Variants in BCKDHB observed in about 807,000 individuals in gnomAD.
BCKDHB encodes the protein branched chain keto acid dehydrogenase E1 subunit beta, also known as 2-oxoisovalerate dehydrogenase subunit beta, mitochondrial.
BCKDHB carries 41 observed loss-of-function variants against 48.5 expected under a neutral mutation model. That is an observed-to-expected ratio of 0.85 (90% CI 0.66 to 1.10). The LOEUF (loss-of-function observed/expected upper bound fraction) is 1.10. BCKDHB is among the 50% of genes least tolerant of loss of function. BCKDHB has a pLI of 0.00. For missense variants in BCKDHB, 496 were observed against 494.2 expected (o/e 1.00, Z -0.03); for synonymous variants, 201 against 174.8 (o/e 1.15, Z -1.18).
chr6:80,381,401 A>G, the BCKDHB span, among the ~76,000 whole-genome samples: 2,398 of 152,184 alleles, frequency 0.016, 71 homozygotes, highest in East Asian at 0.12. Context: ...CCTTTTGTAC[A>G]CAATCGATAA....
chr6:80,331,377 A>T (rs1769307576), intron 9 of BCKDHB, among the ~76,000 whole-genome samples: 1 of 152,234 alleles, frequency 6.6e-6, no homozygotes, highest in East Asian at 1.9e-4. Context: ...ATTAAATAAT[A>T]GATTTTTGTG....
At chr6:80,132,786 A>G (rs1770694087) in intron 3 of BCKDHB, among the ~76,000 whole-genome samples, 1 of 152,206 alleles carries the variant, frequency 6.6e-6, no homozygotes, top group East Asian at 1.9e-4. Context: ...TTCTAATGAG[A>G]GTAAGTGAGC....
At chr6:80,420,928 G>A in the BCKDHB span, among the ~76,000 whole-genome samples, 1 of 152,214 alleles carries the variant, frequency 6.6e-6, no homozygotes, top group African/African-American at 2.4e-5. Flanking sequence ...TGGGGGATGA[G>A]TGACATGTAG....
the BCKDHB span, among the ~76,000 whole-genome samples, chr6:80,466,240 C>T: frequency 6.6e-6 from 1 of 152,004 alleles, no homozygotes; most frequent in Non-Finnish European, 1.5e-5. Flanking sequence ...CCATATTTCC[C>T]TATATTATAC....
the BCKDHB span, among the ~76,000 whole-genome samples, chr6:80,411,457 G>A: frequency 6.6e-6 from 1 of 152,346 alleles, no homozygotes; most frequent in Non-Finnish European, 1.5e-5. Flanking sequence ...TGTTCTCAGA[G>A]CTCAAACGCT....
At chr6:80,370,346 A>C in the BCKDHB span, among the ~76,000 whole-genome samples, 3 of 152,126 alleles carry the variant, frequency 2.0e-5, no homozygotes, top group Non-Finnish European at 4.4e-5. Context: ...AAAATAAACT[A>C]TCTAAGGGCC....
At chr6:80,394,248 ATTTG>A in the BCKDHB span, among the ~76,000 whole-genome samples, 4 of 151,780 alleles carry the variant, frequency 2.6e-5, no homozygotes, top group East Asian at 7.7e-4. Flanking sequence ...CAATCTCTTT[ATTTG>A]TTCTACTTTC....
At chr6:80,446,868 C>T in the BCKDHB span, among the ~76,000 whole-genome samples, 7 of 151,146 alleles carry the variant, frequency 4.6e-5, no homozygotes, top group Admixed American at 6.6e-5. Flanking sequence ...TGTCTGTGGT[C>T]GAGGAGGGGT....
the BCKDHB span, among the ~76,000 whole-genome samples, chr6:80,351,531 G>A: frequency 6.6e-6 from 1 of 152,018 alleles, no homozygotes; most frequent in Non-Finnish European, 1.5e-5. Flanking sequence ...GGCAGTCGTA[G>A]GACACCATCT....
chr6:80,351,491 C>G, the BCKDHB span, among the ~76,000 whole-genome samples: 1 of 151,990 alleles, frequency 6.6e-6, no homozygotes, highest in Non-Finnish European at 1.5e-5. Flanking sequence ...CCCCTTTTTT[C>G]AGTGGTTAAA....
At position 80,261,642 on chromosome 6, in the gene BCKDHB, G is replaced by A. The variant is rs555170819; in HGVS notation, c.952-11493G>A. On this transcript the variant is annotated intron_variant, in intron 8 of 9. Transcript: ENST00000320393. ...TCTTCATTTCACGAGTGTGGTTTTA[G>A]CTTACTTATGAGACTTTCACGTTTC... 5.9e-5 allele frequency among the ~76,000 whole-genome samples: 9 copies of A among 152,116 alleles called. No homozygotes were observed. In the East Asian group the frequency reaches 1.7e-3, roughly 29 times the overall value.
intron 1 of BCKDHB, among the ~76,000 whole-genome samples, chr6:80,114,932 A>G (rs866694714): frequency 5.9e-5 from 9 of 152,218 alleles, no homozygotes; most frequent in Admixed American, 3.3e-4. Flanking sequence ...TTGTTTCTTG[A>G]CAGAAGTTAC....
chr6:80,357,086 A>G, the BCKDHB span, among the ~76,000 whole-genome samples: 1 of 152,184 alleles, frequency 6.6e-6, no homozygotes, highest in East Asian at 1.9e-4. Context: ...TTAGGGTCAT[A>G]GCAGAAAAAA....
intron 3 of BCKDHB, among the ~76,000 whole-genome samples, chr6:80,132,152 G>A (rs1484438081): frequency 6.6e-6 from 1 of 151,688 alleles, no homozygotes; most frequent in Non-Finnish European, 1.5e-5. Context: ...CTTGCTATCT[G>A]GGTCTCTCTA....
At chr6:80,416,716 A>G in the BCKDHB span, among the ~76,000 whole-genome samples, 1 of 151,456 alleles carries the variant, frequency 6.6e-6, no homozygotes, top group African/African-American at 2.4e-5. Context: ...ATCAATTTAC[A>G]GTTGTCCCAT....
intron 8 of BCKDHB, among the ~76,000 whole-genome samples, chr6:80,236,025 T>C (rs570803588): frequency 1.8e-4 from 27 of 152,326 alleles, no homozygotes; most frequent in Non-Finnish European, 3.7e-4. Flanking sequence ...AAGGCTGCTT[T>C]TGCAGCCTTT....
intron 9 of BCKDHB, among the ~76,000 whole-genome samples, chr6:80,283,571 T>C (rs1766479280): frequency 6.6e-6 from 1 of 152,110 alleles, no homozygotes; most frequent in Non-Finnish European, 1.5e-5. Flanking sequence ...GACTATTAAT[T>C]AGTAAAATAG....
At chr6:80,273,420 A>G (rs1777838711) in intron 9 of BCKDHB, among the ~76,000 whole-genome samples, 199 bp downstream of exon 9, 2 of 152,136 alleles carry the variant, frequency 1.3e-5, no homozygotes, top group Non-Finnish European at 2.9e-5. Flanking sequence ...TAATGATCTA[A>G]TTAATTTTCT....
chr6:80,127,972 T>G (rs1362123417), intron 2 of BCKDHB, among the ~76,000 whole-genome samples: 1 of 152,096 alleles, frequency 6.6e-6, no homozygotes, highest in African/African-American at 2.4e-5. Context: ...AGACTTGATT[T>G]TATGCTTCCC....
Sources: allele counts gnomAD v4.1 joint callset (sites outside exome capture counted in the v4.1 genomes callset), GRCh38; gene constraint gnomAD v4.1.1; transcripts MANE v1.5; gene names NCBI Gene and HGNC (gene_info 2026-07-23, HGNC 2026-07-21).